Variants in ANK1 observed in about 807,000 individuals in gnomAD.
The protein encoded by ANK1 is ankyrin-1.
ANK1 carries 51 observed loss-of-function variants against 210.4 expected under a neutral mutation model. The ratio of observed to expected loss-of-function variants is 0.24; its 90% CI spans 0.19 to 0.31. ANK1 has a LOEUF of 0.31. Ranked by LOEUF, ANK1 falls within the 10% of genes least tolerant of loss-of-function variation. The probability of loss-of-function intolerance (pLI) is 1.00; values close to 1 mark genes in which losing one functional copy is unlikely to be tolerated. For missense variants in ANK1, 2,051 were observed against 2,504.4 expected (o/e 0.82, Z 3.86); for synonymous variants, 967 against 1,025.9 (o/e 0.94, Z 1.10).
In ANK1 at chr8:41,688,145, T is replaced by C; in HGVS notation, c.4258+11A>G. Reference sequence around the variant, plus strand: ...GACAAAGTGCTTTTCTGCCCCCAATTCCCCACTCACCTGCCCAGCTGAGAC... The same window carrying C: ...GACAAAGTGCTTTTCTGCCCCCAATCCCCCACTCACCTGCCCAGCTGAGAC... On this transcript the variant is annotated intron_variant, in intron 35 of 42. Transcript: ENST00000289734. The C allele has an allele frequency of 6.2e-7, 1 of 1,613,822 alleles. No homozygotes were observed.
chr8:41,818,744 T>C (rs1182667984), intron 1 of ANK1, among the ~76,000 whole-genome samples: 1 of 151,978 alleles, frequency 6.6e-6, no homozygotes, highest in African/African-American at 2.4e-5. Context: ...TCTGCCTCCC[T>C]AAATGCTAGT....
intron 3 of ANK1, among the ~76,000 whole-genome samples, chr8:41,731,672 CT>C (rs1047737455): frequency 4.6e-5 from 7 of 151,938 alleles, no homozygotes; most frequent in Non-Finnish European, 8.8e-5. Context: ...TCAGTTCCAC[CT>C]TTTTTTCCCC....
At position 41,694,055 on chromosome 8, in the gene ANK1, C is replaced by A; in HGVS notation, c.3375G>T (p.Gln1125His). The change falls in exon 29 of 43, where the codon CAG (glutamine) becomes CAT (histidine). Residue 1125 changes from glutamine to histidine, a missense_variant. This residue lies in a region of ANK1 where 1,413 missense variants were observed against 1,707.4 expected (regional missense o/e 0.83). Coordinates refer to ENST00000289734, the MANE Select transcript of ANK1 (RefSeq NM_000037.4). The surrounding 1 kb of genome is among the most constrained non-coding windows in gnomAD (Gnocchi z 5.7). ...DELVTKLLGN[Q>H]ATFSPIVTVE... ...CGGTGACAATGGGGCTGAATGTGGC[C>A]TGGTTGCCCAGGAGCTTAGTGACAA... 6.2e-7 allele frequency: 1 copy of A among 1,614,040 alleles called. No individual in the cohort carries two copies. Among genetic ancestry groups the A allele is most frequent in the Non-Finnish European group, 8.5e-7 (1 of 1,179,954 alleles).
intron 2 of ANK1, among the ~76,000 whole-genome samples, chr8:41,751,261 G>C (rs998690485): frequency 1.3e-5 from 2 of 152,208 alleles, no homozygotes; most frequent in Non-Finnish European, 2.9e-5. Flanking sequence ...CATTTATTAA[G>C]ACAAATGCCA....
chr8:41,663,829 A>G (rs191939090), intron 39 of ANK1, 87 bp from the exon 40 acceptor site: 9 of 1,031,520 alleles, frequency 8.7e-6, no homozygotes, highest in African/African-American at 3.1e-5. Flanking sequence ...AAACAGCAGT[A>G]GCCACAATAG....
chr8:41,885,494 G>A (rs1266308767), intron 1 of ANK1, among the ~76,000 whole-genome samples: 2 of 152,212 alleles, frequency 1.3e-5, no homozygotes, highest in Admixed American at 6.5e-5. Context: ...AAAACACCAC[G>A]ATTTCCAGAC....
At position 41,764,589 on chromosome 8, in the gene ANK1, C is replaced by T. The variant is rs141495101; in HGVS notation, c.28-6452G>A. ...CATCCTATACAGAAAACTACCCCAC[C>T]GTGTCCACAAGCCCTGGCCACCAGT... On this transcript the variant is annotated intron_variant, in intron 1 of 42. Transcript: ENST00000289734. 5.7e-3 allele frequency among the ~76,000 whole-genome samples: 863 copies of T among 152,314 alleles called. 8 individuals carry two copies. Among genetic ancestry groups the T allele is most frequent in the Non-Finnish European group, 7.8e-3 (531 of 68,020 alleles).
At chr8:41,886,644 G>A (rs1025631186) in intron 1 of ANK1, among the ~76,000 whole-genome samples, 3 of 152,186 alleles carry the variant, frequency 2.0e-5, no homozygotes, top group Admixed American at 6.5e-5. Flanking sequence ...CCAAGGATGT[G>A]GCACACAGGA....
intron 39 of ANK1, 110 bp downstream of exon 39, chr8:41,668,157 A>AT: frequency 6.9e-7 from 1 of 1,453,568 alleles, no homozygotes; most frequent in Non-Finnish European, 9.6e-7. Flanking sequence ...TGTTAAAGGA[A>AT]GGGGATATGC....
chr8:41,686,726 G>A (rs1474735879), intron 35 of ANK1, among the ~76,000 whole-genome samples: 2 of 152,152 alleles, frequency 1.3e-5, no homozygotes, highest in African/African-American at 4.8e-5. Context: ...AAGAACCAAT[G>A]AGAACAGAAA....
intron 23 of ANK1, among the ~76,000 whole-genome samples, chr8:41,699,131 G>A (rs1273940592): frequency 1.3e-5 from 2 of 152,158 alleles, no homozygotes; most frequent in Non-Finnish European, 2.9e-5. Context: ...GAAGTTGAGT[G>A]TGGATAAGAG....
intron 1 of ANK1, among the ~76,000 whole-genome samples, chr8:41,791,092 T>C (rs1446168145): frequency 2.6e-5 from 4 of 152,014 alleles, no homozygotes; most frequent in African/African-American, 9.7e-5. Flanking sequence ...TGCTCCACTG[T>C]TTGCAAATCA....
At chr8:41,701,993 C>G (rs1374049627) in intron 21 of ANK1, 59 bp downstream of exon 21, 2 of 1,547,580 alleles carry the variant, frequency 1.3e-6, no homozygotes, top group Non-Finnish European at 1.8e-6. Flanking sequence ...TAACCCCAGG[C>G]ACGCCTGTGC....
chr8:41,817,130 C>G (rs1441420141), intron 1 of ANK1, among the ~76,000 whole-genome samples: 1 of 151,910 alleles, frequency 6.6e-6, no homozygotes, highest in Non-Finnish European at 1.5e-5. Context: ...AATCATCTCC[C>G]TGAAGTTTGC....
chr8:41,814,721 T>G (rs939773886), intron 1 of ANK1, among the ~76,000 whole-genome samples: 1 of 120,264 alleles, frequency 8.3e-6, no homozygotes, highest in Non-Finnish European at 1.8e-5. Context: ...TATTTTTAGA[T>G]TCTTATTTTT....
chr8:41,820,516 A>G (rs957597274), intron 1 of ANK1, among the ~76,000 whole-genome samples: 78 of 151,758 alleles, frequency 5.1e-4, no homozygotes, highest in Non-Finnish European at 1.8e-4. Context: ...TTTTGACCAC[A>G]CTCGGCAGGC....
intron 33 of ANK1, 126 bp downstream of exon 33, chr8:41,690,101 G>A (rs1197392278): frequency 6.8e-6 from 10 of 1,464,222 alleles, no homozygotes; most frequent in Non-Finnish European, 6.6e-6. Context: ...ACCTTTGCAT[G>A]CCTCGGGGGA....
intron 15 of ANK1, among the ~76,000 whole-genome samples, chr8:41,714,541 C>T (rs545694946): frequency 6.6e-6 from 1 of 152,186 alleles, no homozygotes; most frequent in African/African-American, 2.4e-5. Context: ...TTTCCAAAGG[C>T]CATTCTCTCT....
At chr8:41,712,551 G>A (rs541296540) in intron 16 of ANK1, among the ~76,000 whole-genome samples, 2 of 152,340 alleles carry the variant, frequency 1.3e-5, no homozygotes, top group East Asian at 3.9e-4. Flanking sequence ...GGAAAGTCAC[G>A]GAGAGGGGAG....
Sources: gnomAD v4.1 joint callset for allele counts (sites outside exome capture counted in the v4.1 genomes callset) on GRCh38, gnomAD v4.1.1 for gene constraint, gnomAD v4.1.1 regional missense constraint, Gnocchi (gnomAD v3.1) non-coding constraint, MANE v1.5 for transcripts, NCBI Gene and HGNC (gene_info 2026-07-23, HGNC 2026-07-21) for gene names.